The following LGMN variants were observed in gnomAD, a reference collection of about 807,000 sequenced individuals.
The protein encoded by LGMN is asparaginyl endopeptidase.
In LGMN, 36 loss-of-function variants were observed where a neutral mutation model predicts 56.8. That is an observed-to-expected ratio of 0.63 (90% CI 0.49 to 0.84). The LOEUF (loss-of-function observed/expected upper bound fraction) is 0.84, where lower values mean the gene tolerates loss of function less well. Ranked by LOEUF, LGMN falls within the 40% of genes least tolerant of loss-of-function variation. The pLI is 0.00. For missense variants in LGMN, 446 were observed against 556.1 expected, an observed-to-expected ratio of 0.80 and a Z score of 1.99; for synonymous variants, 199 against 210.1, an observed-to-expected ratio of 0.95 and a Z score of 0.46.
At chr14:92,740,015 C>A (rs537300209) in intron 1 of LGMN, among the ~76,000 whole-genome samples, 8 of 152,182 alleles carry the variant, frequency 5.3e-5, no homozygotes, top group Non-Finnish European at 1.2e-4. Context: ...CTTTGGAAGG[C>A]CGAGTTCGGA....
At chr14:92,742,826 C>G (rs1271267384) in intron 1 of LGMN, 1 of 152,212 alleles carries the variant, frequency 6.6e-6, no homozygotes, top group African/African-American at 2.4e-5. Context: ...AGGAGGATCA[C>G]TCAAACCCAG....
intron 2 of LGMN, among the ~76,000 whole-genome samples, chr14:92,729,729 T>C (rs570196232): frequency 7.2e-5 from 11 of 152,148 alleles, no homozygotes; most frequent in Non-Finnish European, 1.5e-4. Flanking sequence ...GTGGAGACCG[T>C]TCTTTTGAAC....
Position 92,742,236 on chromosome 14 carries a change from G to A in LGMN, c.-30+6253C>T, listed in dbSNP as rs1373423590. On this transcript the variant is annotated intron_variant, in intron 1 of 13. Transcript: ENST00000334869. ...GAGCTGAGCTCCATTCCATACTGAA[G>A]TCTCTCTCTCCTATTGCAGTAGCTA... 2.7e-5 allele frequency among the ~76,000 whole-genome samples: 4 copies of A among 150,034 alleles called. 1 individual carries two copies. Among genetic ancestry groups the A allele is most frequent in the African/African-American group, 9.8e-5 (4 of 40,616 alleles).
Position 92,745,027 on chromosome 14 carries a change from G to A in LGMN, c.-30+3462C>T, listed in dbSNP as rs1249233521. On this transcript the variant is annotated intron_variant, in intron 1 of 13. Coordinates refer to ENST00000334869, the MANE Select transcript of LGMN (RefSeq NM_005606.7). ...GAAATTTGGGTCAACGGTGGGCACAGTGTCTCCTGCCTGTAATCCCAGTAC... is the reference window on the plus strand; with the variant it reads ...GAAATTTGGGTCAACGGTGGGCACAATGTCTCCTGCCTGTAATCCCAGTAC... Among the ~76,000 whole-genome samples, 3 of 152,322 alleles carry A rather than the reference G, an allele frequency of 2.0e-5. 1 individual carries two copies. Among genetic ancestry groups the A allele is most frequent in the South Asian group, 2.1e-4 (1 of 4,824 alleles).
At chr14:92,718,182 G>A (rs1890167076) in intron 3 of LGMN, among the ~76,000 whole-genome samples, 1 of 152,156 alleles carries the variant, frequency 6.6e-6, no homozygotes, top group South Asian at 2.1e-4. Flanking sequence ...GTCCTCGAAG[G>A]TGAGGAGGAA....
At chr14:92,722,042 A>T (rs1566926425) in intron 2 of LGMN, among the ~76,000 whole-genome samples, 4 of 152,260 alleles carry the variant, frequency 2.6e-5, no homozygotes, top group Non-Finnish European at 5.9e-5. Flanking sequence ...TGTAAACATT[A>T]TGCTGTTCAC....
intron 3 of LGMN, 77 bp from the exon 4 acceptor site, chr14:92,717,538 T>C (rs1890131590): frequency 9.3e-7 from 1 of 1,074,714 alleles, no homozygotes; most frequent in Non-Finnish European, 1.4e-6. Flanking sequence ...ATGTATGTTA[T>C]GCGAAAAAAT....
At chr14:92,720,066 T>C (rs920766052) in intron 2 of LGMN, among the ~76,000 whole-genome samples, 1 of 152,184 alleles carries the variant, frequency 6.6e-6, no homozygotes, top group Non-Finnish European at 1.5e-5. Flanking sequence ...CCCAAACAAA[T>C]GGACTTATTT....
At chr14:92,722,475 C>T (rs1595545277) in intron 2 of LGMN, among the ~76,000 whole-genome samples, 1 of 151,906 alleles carries the variant, frequency 6.6e-6, no homozygotes, top group African/African-American at 2.4e-5. Flanking sequence ...CCCAGCTACT[C>T]GGGAGGCTGA....
chr14:92,722,993 G>A (rs531617881), intron 2 of LGMN, among the ~76,000 whole-genome samples: 23 of 152,214 alleles, frequency 1.5e-4, no homozygotes, highest in Non-Finnish European at 2.8e-4. Flanking sequence ...GGAAACGAGC[G>A]TTATAGTTTC....
chr14:92,741,232 A>T (rs1363118011), intron 1 of LGMN: 1 of 152,078 alleles, frequency 6.6e-6, no homozygotes, highest in Non-Finnish European at 1.5e-5. Flanking sequence ...CAAGAAATGT[A>T]CCATCAAGTC....
chr14:92,725,582 C>CT lies in LGMN; in HGVS notation c.139-6739dup, dbSNP rs1232257502. On this transcript the variant is annotated intron_variant, in intron 2 of 13. Coordinates refer to ENST00000334869, the MANE Select transcript of LGMN (RefSeq NM_005606.7). ...AAAAGCGGATTTCTTTTTTCTTTTT[C>CT]TTTTTTTTTTGGAGACAGAGTCTCA... Among the ~76,000 whole-genome samples, 516 of 147,972 alleles carry CT rather than the reference C, an allele frequency of 3.5e-3. 3 individuals carry two copies. Among genetic ancestry groups the CT allele is most frequent in the Middle Eastern group, 0.014 (4 of 288 alleles).
chr14:92,704,089 C>T lies in LGMN; in HGVS notation c.*230G>A. ...CTCCTAGAAAGCAAATATGACCCTT[C>T]TCAATACAGAGCTTTTCCCACCCTA... On this transcript the variant is annotated 3_prime_UTR_variant, in exon 14 of 14. Coordinates refer to ENST00000334869, the MANE Select transcript of LGMN (RefSeq NM_005606.7). The T allele has an allele frequency of 5.7e-6, 4 of 706,016 alleles. No homozygotes were observed. The highest frequency in any genetic ancestry group is 2.0e-5 in the Admixed American group (1 of 50,010). 43.7% of individuals were successfully genotyped at this position (706,016 alleles called of 1,614,324 possible).
intron 1 of LGMN, among the ~76,000 whole-genome samples, chr14:92,743,283 C>G (rs1448919803): frequency 1.3e-5 from 2 of 152,084 alleles, no homozygotes; most frequent in African/African-American, 2.4e-5. Context: ...GGGTGGATCA[C>G]GAGGTCAGGA....
At chr14:92,721,663 A>T (rs1890485748) in intron 2 of LGMN, among the ~76,000 whole-genome samples, 1 of 152,182 alleles carries the variant, frequency 6.6e-6, no homozygotes. Context: ...AGCCTAGCAA[A>T]ACTCTATCTC....
At chr14:92,709,611 G>A in intron 11 of LGMN, 61 bp downstream of exon 11, 2 of 1,402,442 alleles carry the variant, frequency 1.4e-6, no homozygotes, top group Non-Finnish European at 2.0e-6. Context: ...CCGTGCTCAT[G>A]CATGCTGCCC....
intron 8 of LGMN, among the ~76,000 whole-genome samples, chr14:92,712,327 C>A (rs1889824170): frequency 6.6e-6 from 1 of 152,216 alleles, no homozygotes; most frequent in Non-Finnish European, 1.5e-5. Flanking sequence ...TCTAGATTAA[C>A]TGAACCTATA....
At chr14:92,719,597 T>C (rs1475580807) in intron 2 of LGMN, among the ~76,000 whole-genome samples, 1 of 152,192 alleles carries the variant, frequency 6.6e-6, no homozygotes, top group Non-Finnish European at 1.5e-5. Context: ...TCCAAGTACT[T>C]TGTCTGCCAA....
At chr14:92,735,899 A>G (rs1448440496) in intron 1 of LGMN, among the ~76,000 whole-genome samples, 1 of 151,754 alleles carries the variant, frequency 6.6e-6, no homozygotes. Flanking sequence ...GGGTCTGTTC[A>G]TGTGCACCTG....
Sources: allele counts gnomAD v4.1 joint callset (sites outside exome capture counted in the v4.1 genomes callset), GRCh38; gene constraint gnomAD v4.1.1; transcripts MANE v1.5; gene names NCBI Gene and HGNC (gene_info 2026-07-23, HGNC 2026-07-21).